SRP19: variants seen among roughly 807,000 people sequenced by gnomAD.
SRP19 encodes the protein signal recognition particle 19, also known as signal recognition particle 19 kDa protein.
A neutral mutation model predicts 22.4 loss-of-function variants in SRP19; 11 were observed. The observed-to-expected ratio is 0.49, with a 90% CI of 0.31 to 0.81. SRP19 has a LOEUF of 0.81. Among genes scored for constraint, SRP19 ranks in the 40% least tolerant of loss-of-function variants. The pLI is 0.05. For missense variants in SRP19, 168 were observed against 175.9 expected (o/e 0.96, Z 0.25); for synonymous variants, 61 against 57.6 (o/e 1.06, Z -0.27).
intron 4 of SRP19, among the ~76,000 whole-genome samples, chr5:112,880,010 T>G (rs1325279627): frequency 4.6e-5 from 7 of 152,172 alleles, no homozygotes; most frequent in Non-Finnish European, 5.9e-5. Flanking sequence ...TATACTAAAT[T>G]GTTTTTAAAA....
At chr5:112,879,459 C>A (rs514763) in intron 4 of SRP19, among the ~76,000 whole-genome samples, 1 of 151,800 alleles carries the variant, frequency 6.6e-6, no homozygotes, top group Non-Finnish European at 1.5e-5. Context: ...TATGTGCTTT[C>A]ATATACTTTA....
intron 4 of SRP19, 22 bp downstream of exon 4, chr5:112,864,754 A>G (rs1767535343): frequency 3.2e-6 from 5 of 1,559,568 alleles, no homozygotes; most frequent in Non-Finnish European, 3.5e-6. Context: ...TAAATGAATC[A>G]GTGGGGCTCA....
At chr5:112,891,543 T>TAGAAAA (rs1319316915) in intron 4 of SRP19, 1 of 1,496,252 alleles carries the variant, frequency 6.7e-7, no homozygotes, top group African/African-American at 1.4e-5. Context: ...CATAAAATAT[T>TAGAAAA]CATAAGTAGA....
downstream of SRP19, chr5:112,895,260 C>CAAAAAAAAAAAAAAA (rs1195775772): frequency 1.6e-5 from 1 of 64,290 alleles, no homozygotes; most frequent in Non-Finnish European, 3.4e-5. Context: ...AAAAAAAAAT[C>CAAAAAAAAAAAAAAA]AGGAGAGGTG....
At chr5:112,889,047 T>A (rs1000889763) in intron 4 of SRP19, among the ~76,000 whole-genome samples, 3 of 150,908 alleles carry the variant, frequency 2.0e-5, no homozygotes, top group Non-Finnish European at 4.4e-5. Flanking sequence ...GCCGCCACCA[T>A]GTAAGACATC....
intron 4 of SRP19, among the ~76,000 whole-genome samples, chr5:112,880,364 G>A (rs1476517544): frequency 6.6e-6 from 1 of 152,226 alleles, no homozygotes; most frequent in Admixed American, 6.5e-5. Flanking sequence ...GTAAGATGGA[G>A]GGGAAAGGGG....
downstream of SRP19, chr5:112,893,508 A>G (rs1768571341): frequency 6.4e-6 from 1 of 155,680 alleles, no homozygotes; most frequent in Non-Finnish European, 1.4e-5. Context: ...CCATGTTATG[A>G]TTTTAAGCCA....
intron 4 of SRP19, among the ~76,000 whole-genome samples, chr5:112,881,346 G>T (rs762180155): frequency 3.3e-5 from 5 of 151,992 alleles, no homozygotes; most frequent in African/African-American, 1.2e-4. Flanking sequence ...ACTTCCCCAT[G>T]GTCAGGCAAC....
At chr5:112,879,884 G>A (rs1768016801) in intron 4 of SRP19, among the ~76,000 whole-genome samples, 1 of 151,978 alleles carries the variant, frequency 6.6e-6, no homozygotes, top group Non-Finnish European at 1.5e-5. Flanking sequence ...TTTGAGACCA[G>A]CCTGGCCAAT....
At chr5:112,883,236 C>T (rs895573744) in intron 4 of SRP19, among the ~76,000 whole-genome samples, 3 of 152,222 alleles carry the variant, frequency 2.0e-5, no homozygotes, top group Non-Finnish European at 4.4e-5. Context: ...TATATTCTCT[C>T]ATCCCTTTTC....
chr5:112,898,159 T>C (rs1306148879), exon 4 of SRP19: 1 of 152,266 alleles, frequency 6.6e-6, no homozygotes, highest in South Asian at 2.1e-4. Flanking sequence ...AGATGGATTC[T>C]AGTCCCTAAA....
chr5:112,874,143 G>A (rs529285398), downstream of SRP19, among the ~76,000 whole-genome samples: 162 of 152,266 alleles, frequency 1.1e-3, no homozygotes, highest in African/African-American at 3.8e-3. Context: ...TCCAGCCTGG[G>A]TGACAGAGTG....
rs148266473 is a variant in SRP19, at chr5:112,887,058, A to G, written c.302-4545A>G. The G allele has an allele frequency of 7.4e-6, 12 of 1,613,044 alleles. No individual in the cohort carries two copies. The African/African-American group carries it at 1.3e-4, about 18-fold the overall frequency. On this transcript the variant is annotated intron_variant, in intron 4 of 4. Coordinates refer to the SRP19 transcript ENST00000391338. ...CTGCAGTCTCTTTGGCCTTGTCTTT[A>G]AGGTCCTTGACCACACTGTCCATCT...
At chr5:112,878,831 C>T in intron 4 of SRP19, 1 of 1,614,022 alleles carries the variant, frequency 6.2e-7, no homozygotes, top group Non-Finnish European at 8.5e-7. Flanking sequence ...CGGTAGCTTT[C>T]TTCGCTGTTT....
At chr5:112,870,117 GA>G (rs1257492466), downstream of SRP19, among the ~76,000 whole-genome samples, 1 of 152,178 alleles carries the variant, frequency 6.6e-6, no homozygotes, top group African/African-American at 2.4e-5. Context: ...CCACAGAAGT[GA>G]AACCACAGAT....
rs1404029139 is a variant in SRP19, at chr5:112,867,985, A to G, written c.*448A>G. 4.1e-6 allele frequency: 4 copies of G among 986,880 alleles called. No individual in the cohort carries two copies. The highest frequency in any genetic ancestry group is 1.1e-4 in the East Asian group (1 of 8,852). The allele number at this position is 986,880 out of a possible 1,614,324, so 61.1% of individuals were successfully genotyped here. A position where few individuals can be genotyped will look rare whatever the true frequency, so the allele number is the denominator to read the frequency against. ...AATAAAATATGTAGTGAAAGTTTCC[A>G]TAGTGTGAGGCTAAAACTAGAAGAA... is the stretch of plus-strand genomic sequence containing the variant. On this transcript the variant is annotated 3_prime_UTR_variant, in exon 5 of 5. Coordinates refer to ENST00000505459, the MANE Select transcript of SRP19 (RefSeq NM_003135.3).
At chr5:112,864,165 C>G (rs1414850346) in intron 2 of SRP19, among the ~76,000 whole-genome samples, 2 of 152,182 alleles carry the variant, frequency 1.3e-5, no homozygotes, top group Non-Finnish European at 2.9e-5. Context: ...CATTGAGCAC[C>G]TACTATGTTG....
chr5:112,867,161 A>G (rs1026143232), intron 4 of SRP19, among the ~76,000 whole-genome samples: 1 of 152,188 alleles, frequency 6.6e-6, no homozygotes, highest in Non-Finnish European at 1.5e-5. Context: ...TTTTTGTTTC[A>G]TACTTAGTGT....
rs186885256 is a variant in SRP19, at chr5:112,878,446, C to T, written c.302-13157C>T. 5.6e-4 allele frequency: 138 copies of T among 245,064 alleles called. 2 individuals are homozygous for T. The South Asian group carries it at 6.9e-3, about 12-fold the overall frequency. 15.2% of individuals were successfully genotyped at this position (245,064 alleles called of 1,614,324 possible). A position where few individuals can be genotyped will look rare whatever the true frequency, so the allele number is the denominator to read the frequency against. On this transcript the variant is annotated intron_variant, in intron 4 of 4. Transcript: ENST00000391338. ...CCTAAATGTAACTACAGAGAAAATG[C>T]GTGCAGGGAGAGCCCAGTAAAGTAC... is the stretch of plus-strand genomic sequence containing the variant.
Sources: allele counts gnomAD v4.1 joint callset (sites outside exome capture counted in the v4.1 genomes callset), GRCh38; gene constraint gnomAD v4.1.1; transcripts MANE v1.5; gene names NCBI Gene and HGNC (gene_info 2026-07-23, HGNC 2026-07-21).